CUBN: variants seen among roughly 807,000 people sequenced by gnomAD.
CUBN encodes the protein 460 kDa receptor.
In CUBN, 282 loss-of-function variants were observed where a neutral mutation model predicts 405.3. The observed-to-expected ratio is 0.70, with a 90% CI of 0.63 to 0.77. The LOEUF is 0.77. Ranked by LOEUF, CUBN falls within the 30% of genes least tolerant of loss-of-function variation. CUBN has a pLI of 0.00. For synonymous variants in CUBN, 1,684 were observed against 1,617.0 expected (o/e 1.04, Z -0.99); for missense variants, 4,514 against 4,475.2 (o/e 1.01, Z -0.25).
chr10:17,047,338 C>T lies in CUBN; in HGVS notation c.3329+76G>A. On this transcript the variant is annotated intron_variant, in intron 23 of 66. Coordinates refer to ENST00000377833, the MANE Select transcript of CUBN (RefSeq NM_001081.4). ...TGCAGAGAATTTCCATATTTTTTTC[C>T]TTAATCTTCCTAGGAAAGATTATTA... The T allele has an allele frequency of 4.8e-6, 6 of 1,248,126 alleles. No individual in the cohort carries two copies. In the Admixed American group the frequency reaches 8.1e-5, roughly 17 times the overall value. 77.3% of individuals were successfully genotyped at this position (1,248,126 alleles called of 1,614,324 possible).
chr10:16,888,600 TTATTTCTCGTGTATC>T (rs1203810272), intron 55 of CUBN, 34 bp from the exon 56 acceptor site: 1 of 1,594,550 alleles, frequency 6.3e-7, no homozygotes, highest in South Asian at 1.1e-5. Context: ...ATCAGATCAT[TTATTTCTCGTGTATC>T]TATTTTGTCC....
chr10:16,924,122 T>C (rs1175174178), intron 43 of CUBN, among the ~76,000 whole-genome samples: 2 of 151,964 alleles, frequency 1.3e-5, no homozygotes, highest in African/African-American at 4.8e-5. Context: ...AGAGTAGAGT[T>C]ATGTAGGATG....
chr10:17,128,916 C>T (rs1837259451), intron 2 of CUBN, among the ~76,000 whole-genome samples: 1 of 152,090 alleles, frequency 6.6e-6, no homozygotes, highest in Non-Finnish European at 1.5e-5. Context: ...ATGTTCTTAG[C>T]ATGAAGAAAA....
Position 17,106,455 on chromosome 10 carries a change from T to C in CUBN, c.1112-880A>G, listed in dbSNP as rs148827970. Reference sequence around the variant, plus strand: ...TGTCTCTACTAAAAATACAAAACAATTAGCGGGGCATGGTGGCCTGTAGTC... The same window carrying C: ...TGTCTCTACTAAAAATACAAAACAACTAGCGGGGCATGGTGGCCTGTAGTC... On this transcript the variant is annotated intron_variant, in intron 10 of 66. Coordinates refer to ENST00000377833, the MANE Select transcript of CUBN (RefSeq NM_001081.4). Among the ~76,000 whole-genome samples the C allele has an allele frequency of 5.5e-3, 819 of 149,880 alleles. 11 individuals carry two copies. The highest frequency in any genetic ancestry group is 0.019 in the African/African-American group (790 of 40,564).
chr10:17,088,472 A>G, intron 14 of CUBN, 127 bp from the exon 15 acceptor site: 2 of 700,660 alleles, frequency 2.9e-6, no homozygotes, highest in East Asian at 5.4e-5. Flanking sequence ...AGACACCCTC[A>G]TAAATTAAAA....
chr10:16,894,879 C>A (rs954599491), intron 54 of CUBN, among the ~76,000 whole-genome samples: 2 of 152,086 alleles, frequency 1.3e-5, no homozygotes, highest in African/African-American at 4.8e-5. Flanking sequence ...TTATTTTTAG[C>A]ACTCAGATCC....
chr10:17,103,062 C>T lies in CUBN; in HGVS notation c.1530+63G>A, dbSNP rs1035908532. ...CATGTATTTTATGTAATAAAATATA[C>T]ACATACTCCATATTTATATATACAA... On this transcript the variant is annotated intron_variant, in intron 13 of 66. Transcript: ENST00000377833. 6.6e-5 allele frequency: 59 copies of T among 895,916 alleles called. No homozygotes were observed. In the East Asian group the frequency reaches 1.0e-3, roughly 16 times the overall value. 55.5% of individuals were successfully genotyped at this position (895,916 alleles called of 1,614,324 possible).
In CUBN at chr10:16,889,953, A is replaced by AAAAAAAAAAAAAAAAAAAAAG. The variant is rs57009841; in HGVS notation, c.8755+417_8755+418insCTTTTTTTTTTTTTTTTTTTT. On this transcript the variant is annotated intron_variant, in intron 55 of 66. Transcript: ENST00000377833. ...GCCGTGTCAAAAAAAAAAAAAAAAA[A>AAAAAAAAAAAAAAAAAAAAAG]CAGGAAAGACTTCGTCATGGAAATT... 2.1e-3 allele frequency among the ~76,000 whole-genome samples: 251 copies of AAAAAAAAAAAAAAAAAAAAAG among 118,004 alleles called. 46 individuals are homozygous for AAAAAAAAAAAAAAAAAAAAAG. Among genetic ancestry groups the AAAAAAAAAAAAAAAAAAAAAG allele is most frequent in the African/African-American group, 0.01 (241 of 23,864 alleles). 77.4% of individuals were successfully genotyped at this position (118,004 alleles called of 152,430 possible).
At position 16,970,304 on chromosome 10, in the gene CUBN, C is replaced by G. The variant is rs111721545; in HGVS notation, c.4695+12180G>C. Among the ~76,000 whole-genome samples, 264 of 152,318 alleles carry G rather than the reference C, an allele frequency of 1.7e-3. 1 individual carries two copies. The highest frequency in any genetic ancestry group is 5.9e-3 in the African/African-American group (244 of 41,570). ...AGTGGGCTGGGCACGGTGGCTCACGCCTATAATCCCAGCATTCACACCTGT... is the reference window on the plus strand; with the variant it reads ...AGTGGGCTGGGCACGGTGGCTCACGGCTATAATCCCAGCATTCACACCTGT... On this transcript the variant is annotated intron_variant, in intron 31 of 66. Transcript: ENST00000377833.
At chr10:17,116,065 C>T (rs1182120607) in intron 6 of CUBN, among the ~76,000 whole-genome samples, 2 of 152,180 alleles carry the variant, frequency 1.3e-5, no homozygotes, top group African/African-American at 2.4e-5. Flanking sequence ...AGTGTCCACA[C>T]CTCACAGTCT....
At chr10:16,976,814 C>A (rs75965726) in intron 31 of CUBN, among the ~76,000 whole-genome samples, 7 of 152,238 alleles carry the variant, frequency 4.6e-5, no homozygotes, top group African/African-American at 1.7e-4. Flanking sequence ...TCTGTAGTCA[C>A]TATTTATCTC....
In CUBN at chr10:16,978,924, T is replaced by C. The variant is rs1369296119; in HGVS notation, c.4695+3560A>G. Among the ~76,000 whole-genome samples, 9 of 152,286 alleles carry C rather than the reference T, an allele frequency of 5.9e-5. No homozygotes were observed. The East Asian group carries it at 1.5e-3, about 26-fold the overall frequency. On this transcript the variant is annotated intron_variant, in intron 31 of 66. Coordinates refer to ENST00000377833, the MANE Select transcript of CUBN (RefSeq NM_001081.4). ...GTCTCTGTTGCAGATGACATGATTG[T>C]ATATTTAGAAAACCCCATCGTCGCA... is the stretch of plus-strand genomic sequence containing the variant.
intron 60 of CUBN, among the ~76,000 whole-genome samples, chr10:16,841,713 C>T (rs1469992697): frequency 6.6e-6 from 1 of 152,116 alleles, no homozygotes; most frequent in African/African-American, 2.4e-5. Context: ...TGTATATCCA[C>T]ATAGTTTGTC....
In CUBN at chr10:17,114,185, T is replaced by C. The variant is rs759738975; in HGVS notation, c.725A>G (p.Lys242Arg). The change falls in exon 8 of 67, where the codon AAG becomes AGG. Residue 242 changes from lysine (K) to arginine (R), a missense_variant. By Grantham distance (26) the Lys-to-Arg change is conservative. Around this residue, in one of 5 missense-constraint regions of CUBN, gnomAD observed 1,448 missense variants for 1,388.0 expected, o/e 1.04. Coordinates refer to ENST00000377833, the MANE Select transcript of CUBN (RefSeq NM_001081.4). ...DLMREQAGEPKYSCVCDAGWM... is the reference protein window; with the variant it reads ...DLMREQAGEPRYSCVCDAGWM... ...CCCAGCATCACAGACGCAGCTGTAC[T>C]TGGGCTGGCAGGATGACAACAGCGT... The C allele has an allele frequency of 2.2e-5, 35 of 1,613,806 alleles. No homozygotes were observed. The highest frequency in any genetic ancestry group is 3.0e-5 in the Non-Finnish European group (35 of 1,179,908).
At chr10:16,897,433 CT>C (rs1841216358) in intron 54 of CUBN, among the ~76,000 whole-genome samples, 1 of 152,164 alleles carries the variant, frequency 6.6e-6, no homozygotes, top group Non-Finnish European at 1.5e-5. Context: ...CTCACTGGTT[CT>C]TGCTGGTGCT....
In CUBN at chr10:17,065,583, G is replaced by C; in HGVS notation, c.3064C>G (p.Leu1022Val). The part of the protein sequence containing the change: ...SLTSSGNSLM[L>V]VFVTDSDLAY... ...AGGTCGGAGTCAGTCACAAACACCA[G>C]CATCAATGAGTTACCACTGCTTGTG... is the stretch of plus-strand genomic sequence containing the variant. The change falls in exon 22 of 67, where the codon CTG becomes GTG. Residue 1022 changes from leucine (L) to valine (V), a missense_variant. Leu to Val is a conservative substitution (Grantham distance 32). Around this residue, in one of 5 missense-constraint regions of CUBN, gnomAD observed 1,448 missense variants for 1,388.0 expected, o/e 1.04. Transcript: ENST00000377833. 1 of 1,613,664 alleles carries C rather than the reference G, an allele frequency of 6.2e-7. No homozygotes were observed. The highest frequency in any genetic ancestry group is 8.5e-7 in the Non-Finnish European group (1 of 1,179,648).
At chr10:17,127,051 T>C (rs529649378) in intron 3 of CUBN, among the ~76,000 whole-genome samples, 1 of 152,224 alleles carries the variant, frequency 6.6e-6, no homozygotes, top group Admixed American at 6.5e-5. Context: ...AGTTGACCGA[T>C]TGCTTCTCTG....
At position 17,100,041 on chromosome 10, in the gene CUBN, TC is replaced by T. The variant is rs34033621; in HGVS notation, c.1728del (p.Arg577GlufsTer5). On this transcript the variant is annotated frameshift_variant, in exon 14 of 67. Coordinates refer to ENST00000377833, the MANE Select transcript of CUBN (RefSeq NM_001081.4). LOFTEE classifies it high-confidence loss of function. Reference sequence around the variant, plus strand: ...GTTTCCCATCTTACTGTAAAGCCTCTCCCATTTCTTAAATGTTCAGAATAGA... The same window carrying T: ...GTTTCCCATCTTACTGTAAAGCCTCTCCATTTCTTAAATGTTCAGAATAGA... The part of the protein sequence containing the change: ...FHLYSEHLRN[G>X]RGFTVRWETQ... The T allele has an allele frequency of 6.2e-7, 1 of 1,613,822 alleles. No homozygotes were observed. Among genetic ancestry groups the T allele is most frequent in the Non-Finnish European group, 8.5e-7 (1 of 1,179,778 alleles).
intron 39 of CUBN, among the ~76,000 whole-genome samples, chr10:16,934,345 C>G (rs766149797): frequency 6.6e-6 from 1 of 152,174 alleles, no homozygotes; most frequent in Non-Finnish European, 1.5e-5. Flanking sequence ...TTCACCATTT[C>G]AGAAGTTTAC....
Sources: gnomAD v4.1 joint callset for allele counts (sites outside exome capture counted in the v4.1 genomes callset) on GRCh38, gnomAD v4.1.1 for gene constraint, gnomAD v4.1.1 regional missense constraint, MANE v1.5 for transcripts, NCBI Gene and HGNC (gene_info 2026-07-23, HGNC 2026-07-21) for gene names.